Variants in PARD3B observed in about 807,000 individuals in gnomAD.
PARD3B encodes par-3 family cell polarity regulator beta.
Under a neutral mutation model 130.2 loss-of-function variants are expected in PARD3B, and 103 were observed. That is an observed-to-expected ratio of 0.79 (90% confidence interval 0.67 to 0.93). PARD3B has a LOEUF of 0.93. PARD3B is among the 40% of genes least tolerant of loss of function. The probability of loss-of-function intolerance (pLI) is 0.00; values close to 1 mark genes in which losing one functional copy is unlikely to be tolerated. For synonymous variants in PARD3B, 583 were observed against 553.2 expected (o/e 1.05, Z -0.76); for missense variants, 1,609 against 1,499.2 (o/e 1.07, Z -1.21).
At chr2:204,808,874 C>A (rs1294937183) in intron 2 of PARD3B, among the ~76,000 whole-genome samples, 2 of 151,936 alleles carry the variant, frequency 1.3e-5, no homozygotes, top group African/African-American at 2.4e-5. Context: ...GGTTCAATGG[C>A]AGTTGTGTTT....
chr2:205,207,321 A>G (rs2125839719), intron 15 of PARD3B, among the ~76,000 whole-genome samples: 1 of 141,026 alleles, frequency 7.1e-6, no homozygotes, highest in South Asian at 2.3e-4. Context: ...GAAAAGCAAG[A>G]GCAAACACAT....
chr2:204,578,854 A>G (rs1224858528), intron 1 of PARD3B, among the ~76,000 whole-genome samples: 1 of 152,130 alleles, frequency 6.6e-6, no homozygotes, highest in Admixed American at 6.6e-5. Flanking sequence ...GAGAGAGGTC[A>G]TAATCTGGGA....
intron 19 of PARD3B, among the ~76,000 whole-genome samples, chr2:205,429,717 T>C (rs1427244991): frequency 6.6e-6 from 1 of 152,194 alleles, no homozygotes; most frequent in Non-Finnish European, 1.5e-5. Context: ...TTAAGGTATT[T>C]ATATTGGTTT....
In PARD3B at chr2:205,265,729, ATATT is replaced by A. The variant is rs1464517857; in HGVS notation, c.2185+19912_2185+19915del. ...AATATTCAGTGCTCTTTTTAACACG[ATATT>A]TATTAGGTGCAAGTTACATGCTATT... On this transcript the variant is annotated intron_variant, in intron 16 of 22. Transcript: ENST00000406610. This position sits in a 1 kb window ranked among gnomAD's most constrained non-coding sequence, Gnocchi z 4.3. Among the ~76,000 whole-genome samples, 2 of 152,060 alleles carry A rather than the reference ATATT, an allele frequency of 1.3e-5. No individual in the cohort carries two copies. Among genetic ancestry groups the A allele is most frequent in the African/African-American group, 4.8e-5 (2 of 41,448 alleles).
intron 5 of PARD3B, among the ~76,000 whole-genome samples, chr2:205,111,168 A>T (rs1703619859): frequency 6.6e-6 from 1 of 152,136 alleles, no homozygotes. Flanking sequence ...TATCTTTATT[A>T]AATAGATCTA....
At chr2:205,569,234 T>C (rs895543563) in intron 22 of PARD3B, among the ~76,000 whole-genome samples, 9 of 152,150 alleles carry the variant, frequency 5.9e-5, no homozygotes, top group Non-Finnish European at 1.0e-4. Context: ...TAGGTGTTTA[T>C]CTCTGTCTTC....
chr2:204,612,056 CA>C (rs1189920390), intron 1 of PARD3B, among the ~76,000 whole-genome samples: 3 of 152,162 alleles, frequency 2.0e-5, no homozygotes, highest in African/African-American at 7.2e-5. Flanking sequence ...ACACAGATGT[CA>C]TATTGATTAT....
intron 15 of PARD3B, among the ~76,000 whole-genome samples, chr2:205,195,274 C>T (rs770749811): frequency 9.2e-5 from 14 of 152,088 alleles, no homozygotes; most frequent in South Asian, 2.1e-4. Context: ...GGTCAGGTTA[C>T]GAGCTATTTT....
At chr2:205,418,567 C>A (rs542722118) in intron 19 of PARD3B, among the ~76,000 whole-genome samples, 2 of 152,240 alleles carry the variant, frequency 1.3e-5, no homozygotes, top group South Asian at 4.2e-4. Flanking sequence ...ATAGGACACA[C>A]CCTCTTTATC....
rs545213384 is a variant in PARD3B, at chr2:204,865,305, A to G, written c.223-99847A>G. 5.9e-5 allele frequency among the ~76,000 whole-genome samples: 9 copies of G among 152,378 alleles called. 1 individual carries two copies. Among genetic ancestry groups the G allele is most frequent in the African/African-American group, 1.9e-4 (8 of 41,590 alleles). On this transcript the variant is annotated intron_variant, in intron 2 of 22. Transcript: ENST00000406610. Reference sequence around the variant, plus strand: ...GAGGAAAAGAAGTCATTATACAAAAAAGATACTTGCACACACATTTATAGC... The same window carrying G: ...GAGGAAAAGAAGTCATTATACAAAAGAGATACTTGCACACACATTTATAGC...
At chr2:204,682,650 A>G (rs1255578406) in intron 1 of PARD3B, among the ~76,000 whole-genome samples, 1 of 152,192 alleles carries the variant, frequency 6.6e-6, no homozygotes, top group African/African-American at 2.4e-5. Flanking sequence ...GCCCCTCTCC[A>G]AAAATCGGCT....
chr2:204,899,354 T>G (rs1209552479), intron 2 of PARD3B, among the ~76,000 whole-genome samples: 1 of 151,880 alleles, frequency 6.6e-6, no homozygotes, highest in African/African-American at 2.4e-5. Flanking sequence ...CTGTTTTAAT[T>G]TCTTGCTTTA....
intron 1 of PARD3B, among the ~76,000 whole-genome samples, chr2:204,589,845 T>C (rs1250707432): frequency 6.6e-6 from 1 of 152,194 alleles, no homozygotes; most frequent in African/African-American, 2.4e-5. Flanking sequence ...TTTGAGCAAA[T>C]CAACTTTTTG....
chr2:205,524,591 C>CCAT (rs1395724979), intron 21 of PARD3B, among the ~76,000 whole-genome samples: 1 of 152,134 alleles, frequency 6.6e-6, no homozygotes, highest in East Asian at 1.9e-4. Flanking sequence ...ATACTATTGC[C>CCAT]CATCTAATTA....
chr2:205,314,471 G>C (rs907564245), intron 18 of PARD3B, among the ~76,000 whole-genome samples: 1 of 152,146 alleles, frequency 6.6e-6, no homozygotes, highest in Non-Finnish European at 1.5e-5. Context: ...GGATTTTCCT[G>C]ACAAGGCAAC....
intron 18 of PARD3B, among the ~76,000 whole-genome samples, chr2:205,396,368 A>G (rs1385846699): frequency 6.6e-6 from 1 of 152,204 alleles, no homozygotes; most frequent in Non-Finnish European, 1.5e-5. Context: ...ACCTATATCA[A>G]TTGCTTATAA....
At chr2:205,362,783 T>A (rs1213660428) in intron 18 of PARD3B, among the ~76,000 whole-genome samples, 1 of 152,184 alleles carries the variant, frequency 6.6e-6, no homozygotes, top group Non-Finnish European at 1.5e-5. Flanking sequence ...AGAGGCAGAT[T>A]AATGGCCTGC....
intron 22 of PARD3B, among the ~76,000 whole-genome samples, chr2:205,603,866 T>G (rs2054884374): frequency 6.6e-6 from 1 of 152,232 alleles, no homozygotes; most frequent in African/African-American, 2.4e-5. Flanking sequence ...AATATTGTTA[T>G]GTGTGAATTT....
intron 21 of PARD3B, among the ~76,000 whole-genome samples, chr2:205,506,593 A>G (rs1316265287): frequency 2.0e-5 from 3 of 152,202 alleles, no homozygotes. Flanking sequence ...CATGCTAACC[A>G]TCTTAAGGAA....
Sources: allele counts gnomAD v4.1 joint callset (sites outside exome capture counted in the v4.1 genomes callset), GRCh38; gene constraint gnomAD v4.1.1; non-coding constraint Gnocchi (gnomAD v3.1); transcripts MANE v1.5; gene names NCBI Gene and HGNC (gene_info 2026-07-23, HGNC 2026-07-21).